PDK2: variants seen among roughly 807,000 people sequenced by gnomAD.
The protein encoded by PDK2 is pyruvate dehydrogenase kinase 2, also known as pyruvate dehydrogenase kinase, isozyme 2.
PDK2 carries 34 observed loss-of-function variants against 50.4 expected under a neutral mutation model. That is an observed-to-expected ratio of 0.68 (90% CI 0.51 to 0.90). The LOEUF is 0.90. PDK2 is among the 40% of genes least tolerant of loss of function. The pLI is 0.00. For synonymous variants in PDK2, 232 were observed against 216.0 expected (o/e 1.07, Z -0.65); for missense variants, 377 against 544.5 (o/e 0.69, Z 3.06).
intron 6 of PDK2, chr17:50,107,953 T>G (rs1407448196): frequency 1.7e-6 from 1 of 599,518 alleles, no homozygotes; most frequent in Non-Finnish European, 3.0e-6. Context: ...GGAACAAGGG[T>G]GTGGAAAGCA....
chr17:50,106,325 A>G (rs1397115330), intron 4 of PDK2: 1 of 902,704 alleles, frequency 1.1e-6, no homozygotes, highest in Non-Finnish European at 1.6e-6. Flanking sequence ...CTTTAAAAGA[A>G]TGTTTAATTT....
At chr17:50,107,011 C>T in intron 5 of PDK2, 65 bp from the exon 6 acceptor site, 1 of 1,476,726 alleles carries the variant, frequency 6.8e-7, no homozygotes, top group Non-Finnish European at 9.5e-7. Flanking sequence ...TCCCCAGTAT[C>T]AATGTCAGGA....
chr17:50,099,551 T>C (rs1910111612), intron 2 of PDK2, among the ~76,000 whole-genome samples: 1 of 151,882 alleles, frequency 6.6e-6, no homozygotes, highest in South Asian at 2.1e-4. Flanking sequence ...CCCAGCACTT[T>C]GGGAGGCCGA....
Position 50,095,562 on chromosome 17 carries a change from T to C in PDK2, c.118+9T>C. Reference sequence around the variant, plus strand: ...GCAGTTTCTGGACTTCGGTACGGAGTGGGCGGGAGGCGGCTGGCAGCGGAG... The same window carrying C: ...GCAGTTTCTGGACTTCGGTACGGAGCGGGCGGGAGGCGGCTGGCAGCGGAG... On this transcript the variant is annotated intron_variant, in intron 1 of 10. Transcript: ENST00000503176. 6.3e-7 allele frequency: 1 copy of C among 1,588,094 alleles called. No homozygotes were observed. The highest frequency in any genetic ancestry group is 2.3e-5 in the East Asian group (1 of 43,940).
At chr17:50,105,573 G>C (rs1161230555) in intron 3 of PDK2, 131 bp downstream of exon 3, 1 of 761,518 alleles carries the variant, frequency 1.3e-6, no homozygotes, top group Non-Finnish European at 2.1e-6. Flanking sequence ...CAGTCTGAGT[G>C]GGGAGACAGA....
At chr17:50,105,699 C>T (rs894808719) in intron 3 of PDK2, among the ~76,000 whole-genome samples, 186 bp from the exon 4 acceptor site, 4 of 152,176 alleles carry the variant, frequency 2.6e-5, no homozygotes, top group African/African-American at 9.7e-5. Context: ...GAACTCTGGG[C>T]TTTCGAGTGG....
rs750168183 is a variant in PDK2 at position 50,106,867 on chromosome 17, C to T, written c.591C>T (p.Val197=). The part of the protein sequence containing the change: ...HIGSIDPNCN[V]SEVVKDAYDM... ...GCAGCATCGACCCCAACTGCAACGT[C>T]TCTGAGGTGGTCAAAGGTGAGCCAT... The change falls in exon 5 of 11, where the codon GTC becomes GTT. Residue 197 remains valine (V), a synonymous_variant. Transcript: ENST00000503176. 9.3e-6 allele frequency: 15 copies of T among 1,614,074 alleles called. No homozygotes were observed. Among genetic ancestry groups the T allele is most frequent in the Non-Finnish European group, 1.1e-5 (13 of 1,179,944 alleles).
At position 50,107,161 on chromosome 17, in the gene PDK2, A is replaced by G; in HGVS notation, c.685+8A>G. Reference sequence around the variant, plus strand: ...AGATCCAGGAGATCAATGGTGAGTGAGCGGGGCTGTGTATGTGTCTGTCTT... The same window carrying G: ...AGATCCAGGAGATCAATGGTGAGTGGGCGGGGCTGTGTATGTGTCTGTCTT... On this transcript the variant is annotated splice_region_variant and intron_variant, in intron 6 of 10. Transcript: ENST00000503176. The G allele has an allele frequency of 6.2e-7, 1 of 1,612,468 alleles. No homozygotes were observed.
At chr17:50,096,154 C>CCAGTGGG (rs1197908259) in intron 1 of PDK2, 6 of 985,572 alleles carry the variant, frequency 6.1e-6, no homozygotes, top group Non-Finnish European at 7.2e-6. Flanking sequence ...CCTAGCTGCC[C>CCAGTGGG]CAGTGGGCAA....
chr17:50,108,260 C>T (rs367684739), intron 7 of PDK2, 28 bp downstream of exon 7: 124 of 1,602,558 alleles, frequency 7.7e-5, no homozygotes, highest in Non-Finnish European at 9.8e-5. Context: ...CGGTGCTTTG[C>T]GGGGAGCGTG....
Position 50,111,382 on chromosome 17 carries a change from C to T in PDK2, c.*1285C>T, listed in dbSNP as rs1187476930. Reference sequence around the variant, plus strand: ...TGCCTCCCCTTCACATGCAGGTGGGCACCCACTATAGCTACTGATGGCTTT... The same window carrying T: ...TGCCTCCCCTTCACATGCAGGTGGGTACCCACTATAGCTACTGATGGCTTT... On this transcript the variant is annotated 3_prime_UTR_variant, in exon 11 of 11. Coordinates refer to ENST00000503176, the MANE Select transcript of PDK2 (RefSeq NM_002611.5). 2.6e-5 allele frequency: 4 copies of T among 152,260 alleles called. No individual in the cohort carries two copies. The highest frequency in any genetic ancestry group is 5.9e-5 in the Non-Finnish European group (4 of 68,056). 9.4% of individuals were successfully genotyped at this position (152,260 alleles called of 1,614,324 possible).
At chr17:50,107,935 G>C (rs1910603766) in intron 6 of PDK2, 1 of 576,446 alleles carries the variant, frequency 1.7e-6, no homozygotes. Flanking sequence ...GTTCTAGCCT[G>C]GAGGAAGGGA....
Position 50,095,713 on chromosome 17 carries a change from C to A in PDK2, c.118+160C>A, listed in dbSNP as rs1011012577. On this transcript the variant is annotated intron_variant, in intron 1 of 10. Coordinates refer to ENST00000503176, the MANE Select transcript of PDK2 (RefSeq NM_002611.5). The stretch of plus-strand genomic sequence containing the variant: ...AAAGAGTTAATGGGGAAGCAGGAAC[C>A]GGCCGGGGCCTCTCGACGGGGCTGC... 3 of 1,427,180 alleles carry A rather than the reference C, an allele frequency of 2.1e-6. No homozygotes were observed. In the East Asian group the frequency reaches 8.0e-5, roughly 38 times the overall value. The allele number at this position is 1,427,180 out of a possible 1,614,324, so 88.4% of individuals were successfully genotyped here.
At chr17:50,095,332 A>G (rs1291971243), upstream of PDK2, 2 of 742,922 alleles carry the variant, frequency 2.7e-6, no homozygotes, top group African/African-American at 3.7e-5. Flanking sequence ...AATGCCCGCC[A>G]GGGCAAGGGT....
chr17:50,100,346 G>A (rs1415135417), intron 2 of PDK2, among the ~76,000 whole-genome samples: 5 of 152,180 alleles, frequency 3.3e-5, no homozygotes, highest in South Asian at 2.1e-4. Flanking sequence ...GAGACTGGAC[G>A]GGGAGGGAAA....
chr17:50,101,309 A>G lies in PDK2; in HGVS notation c.260+3745A>G, dbSNP rs1293015243. ...GAGCAGGACCGACCACTTACTGCGC[A>G]TGTACTCGAGGCATCATCTTTTCTG... On this transcript the variant is annotated intron_variant, in intron 2 of 10. Transcript: ENST00000503176. The surrounding 1 kb of genome is among the most constrained non-coding windows in gnomAD (Gnocchi z 4.2). Among the ~76,000 whole-genome samples the G allele has an allele frequency of 5.3e-5, 8 of 152,088 alleles. No homozygotes were observed. The highest frequency in any genetic ancestry group is 1.9e-4 in the African/African-American group (8 of 41,392).
upstream of PDK2, chr17:50,095,191 C>T (rs1181493459): frequency 3.1e-5 from 14 of 446,762 alleles, no homozygotes; most frequent in Admixed American, 5.7e-4. Flanking sequence ...CCCGGCAAAG[C>T]GTGGGTTAAG....
intron 6 of PDK2, 121 bp from the exon 7 acceptor site, chr17:50,108,035 G>A (rs1232628680): frequency 1.1e-5 from 8 of 746,186 alleles, no homozygotes; most frequent in African/African-American, 1.0e-4. Context: ...TGGGGATTTA[G>A]TCTCTCGCTG....
chr17:50,095,429 C>T lies in PDK2; in HGVS notation c.-7C>T. 6.3e-7 allele frequency: 1 copy of T among 1,591,692 alleles called. No individual in the cohort carries two copies. The highest frequency in any genetic ancestry group is 8.6e-7 in the Non-Finnish European group (1 of 1,167,872). On this transcript the variant is annotated 5_prime_UTR_variant, in exon 1 of 11. Transcript: ENST00000503176. ...GGACCACAACCAAAGTCGCGGCCGC[C>T]GCAGCCATGCGCTGGGTGTGGGCGC...
Sources: allele counts gnomAD v4.1 joint callset (sites outside exome capture counted in the v4.1 genomes callset), GRCh38; gene constraint gnomAD v4.1.1; non-coding constraint Gnocchi (gnomAD v3.1); transcripts MANE v1.5; gene names NCBI Gene and HGNC (gene_info 2026-07-23, HGNC 2026-07-21).